Variants in COQ8A observed in about 807,000 individuals in gnomAD.
COQ8A encodes the protein atypical kinase COQ8A, mitochondrial.
A neutral mutation model predicts 65.0 loss-of-function variants in COQ8A; 51 were observed. The ratio of observed to expected loss-of-function variants is 0.78; its 90% confidence interval spans 0.63 to 0.99. The LOEUF (loss-of-function observed/expected upper bound fraction) is 0.99, where lower values mean the gene tolerates loss of function less well. Among genes scored for constraint, COQ8A ranks in the 50% least tolerant of loss-of-function variants. The probability of loss-of-function intolerance (pLI) is 0.00; values close to 1 mark genes in which losing one functional copy is unlikely to be tolerated. For synonymous variants in COQ8A, 371 were observed against 353.2 expected, an observed-to-expected ratio of 1.05 and a Z score of -0.57; for missense variants, 940 against 875.0, an observed-to-expected ratio of 1.07 and a Z score of -0.94.
chr1:226,945,990 C>G (rs1452466748), intron 1 of COQ8A, among the ~76,000 whole-genome samples: 1 of 152,078 alleles, frequency 6.6e-6, no homozygotes, highest in African/African-American at 2.4e-5. Flanking sequence ...CCCTGGTGCT[C>G]AGCCTCCTCG....
intron 8 of COQ8A, 152 bp from the exon 9 acceptor site, chr1:226,983,400 G>A (rs951141186): frequency 1.6e-5 from 12 of 769,094 alleles, no homozygotes; most frequent in Admixed American, 4.1e-5. Context: ...TCCAGGTCAC[G>A]GCAGCATGGC....
chr1:226,964,698 A>T (rs1054908981), intron 2 of COQ8A, among the ~76,000 whole-genome samples: 2 of 152,152 alleles, frequency 1.3e-5, no homozygotes, highest in South Asian at 2.1e-4. Flanking sequence ...GCCCTGTTTT[A>T]TAGGTGAGGA....
chr1:226,954,596 G>A (rs61833989), intron 1 of COQ8A, among the ~76,000 whole-genome samples: 3,365 of 152,370 alleles, frequency 0.022, 45 homozygotes, highest in Non-Finnish European at 0.033. Context: ...CCTCAGACCA[G>A]CCTCCTGAGA....
chr1:226,981,250 G>T (rs961853601), intron 5 of COQ8A, among the ~76,000 whole-genome samples: 3 of 152,226 alleles, frequency 2.0e-5, no homozygotes, highest in African/African-American at 4.8e-5. Flanking sequence ...TGAACTGATG[G>T]CCCAGGATAG....
Position 226,971,231 on chromosome 1 carries a change from A to G in COQ8A, c.655+5494A>G, listed in dbSNP as rs150805095. Among the ~76,000 whole-genome samples, 372 of 150,166 alleles carry G rather than the reference A, an allele frequency of 2.5e-3. 8 individuals are homozygous for G. In the East Asian group the frequency reaches 0.049, roughly 20 times the overall value. ...GCTGGGATTACAGGCATGAGCCACC[A>G]CACCCGACCTAGTTTTTATTTTTTT... On this transcript the variant is annotated intron_variant, in intron 4 of 14. Transcript: ENST00000366777.
rs1660186161 is a variant in COQ8A at position 226,987,483 on chromosome 1, A to AGTCTT, written c.*749_*753dup. On this transcript the variant is annotated 3_prime_UTR_variant, in exon 15 of 15. Coordinates refer to ENST00000366777, the MANE Select transcript of COQ8A (RefSeq NM_020247.5). ...CACAGGCGCTGTGAATTTTTGTACA[A>AGTCTT]GTCTTGTAATTATCGAATCAACAAC... 2 of 152,294 alleles carry AGTCTT rather than the reference A, an allele frequency of 1.3e-5. No homozygotes were observed. The highest frequency in any genetic ancestry group is 1.3e-4 in the Admixed American group (2 of 15,294). 9.4% of individuals were successfully genotyped at this position (152,294 alleles called of 1,614,324 possible).
intron 1 of COQ8A, among the ~76,000 whole-genome samples, chr1:226,955,270 G>T (rs564691108): frequency 1.3e-5 from 2 of 152,084 alleles, no homozygotes; most frequent in Non-Finnish European, 2.9e-5. Context: ...GGGGTGCTAG[G>T]CTTGCAGCAG....
At chr1:226,969,997 C>T (rs753039913) in intron 4 of COQ8A, among the ~76,000 whole-genome samples, 20 of 151,926 alleles carry the variant, frequency 1.3e-4, no homozygotes, top group African/African-American at 1.9e-4. Context: ...GAGACAGTCT[C>T]GCTCGGTCAC....
At chr1:226,943,439 C>T (rs990251304) in intron 1 of COQ8A, among the ~76,000 whole-genome samples, 5 of 152,046 alleles carry the variant, frequency 3.3e-5, no homozygotes, top group African/African-American at 1.2e-4. Flanking sequence ...TGGAGTTGCA[C>T]ATATGGAGGG....
At position 226,965,234 on chromosome 1, in the gene COQ8A, C is replaced by G. The variant is rs1426158504; in HGVS notation, c.412C>G (p.Leu138Val). ...AGFPGQASSP[L>V]GRANGRLFAN... Reference sequence around the variant, plus strand: ...GTTCCCCGGCCAGGCCTCCTCCCCTCTGGGCAGGGCCAACGGGAGGCTCTT... The same window carrying G: ...GTTCCCCGGCCAGGCCTCCTCCCCTGTGGGCAGGGCCAACGGGAGGCTCTT... The change falls in exon 3 of 15, where the codon CTG becomes GTG. Residue 138 changes from leucine (L) to valine (V), a missense_variant. Coordinates refer to ENST00000366777, the MANE Select transcript of COQ8A (RefSeq NM_020247.5). The G allele has an allele frequency of 3.1e-6, 5 of 1,614,034 alleles. No individual in the cohort carries two copies. Among genetic ancestry groups the G allele is most frequent in the Non-Finnish European group, 4.2e-6 (5 of 1,180,040 alleles).
At chr1:226,959,296 C>A (rs920830883) in intron 1 of COQ8A, among the ~76,000 whole-genome samples, 1 of 152,056 alleles carries the variant, frequency 6.6e-6, no homozygotes, top group Non-Finnish European at 1.5e-5. Flanking sequence ...GTAATTCCAG[C>A]TGCTTGAGAG....
intron 1 of COQ8A, among the ~76,000 whole-genome samples, chr1:226,944,209 C>A (rs920862304): frequency 6.6e-5 from 10 of 151,840 alleles, no homozygotes; most frequent in Non-Finnish European, 1.5e-5. Flanking sequence ...CTGGCTTGAG[C>A]CCTCAGGTGT....
chr1:226,959,196 A>G (rs1430761636), intron 1 of COQ8A, among the ~76,000 whole-genome samples: 3 of 152,142 alleles, frequency 2.0e-5, no homozygotes, highest in African/African-American at 7.2e-5. Flanking sequence ...TCTGGTAGTT[A>G]TTCCCCTTCC....
chr1:226,970,981 C>T (rs779686426), intron 4 of COQ8A, among the ~76,000 whole-genome samples: 2 of 152,166 alleles, frequency 1.3e-5, no homozygotes, highest in Admixed American at 1.3e-4. Context: ...GCTCTTGTCA[C>T]CCAGGCTGGA....
chr1:226,959,038 C>A (rs919407301), intron 1 of COQ8A, among the ~76,000 whole-genome samples: 6 of 152,084 alleles, frequency 3.9e-5, no homozygotes, highest in African/African-American at 1.4e-4. Flanking sequence ...GTGCCTGGTT[C>A]TTGGTACACC....
chr1:226,986,358 A>G (rs970855747), intron 14 of COQ8A, 95 bp from the exon 15 acceptor site: 11 of 1,387,966 alleles, frequency 7.9e-6, no homozygotes, highest in Non-Finnish European at 9.0e-6. Flanking sequence ...AGAGCTTTGA[A>G]TGAGAACTCA....
rs761981020 is a variant in COQ8A at position 226,977,463 on chromosome 1, C to G, written c.670C>G (p.Leu224Val). Reference protein sequence around the residue: ...LANFGGLAVGLGFGALAEVAK... With the variant: ...LANFGGLAVGVGFGALAEVAK... Reference sequence around the variant, plus strand: ...CCTCCTTGCAGGTCTGGCCGTGGGCCTGGGCTTCGGGGCACTGGCAGAGGT... The same window carrying G: ...CCTCCTTGCAGGTCTGGCCGTGGGCGTGGGCTTCGGGGCACTGGCAGAGGT... The change falls in exon 5 of 15, where the codon CTG becomes GTG. Residue 224 changes from leucine to valine, a missense_variant. Transcript: ENST00000366777. 1.1e-5 allele frequency: 18 copies of G among 1,565,584 alleles called. No individual in the cohort carries two copies. The highest frequency in any genetic ancestry group is 1.6e-5 in the Non-Finnish European group (18 of 1,155,370).
At chr1:226,978,566 A>ACC (rs1437438784) in intron 5 of COQ8A, among the ~76,000 whole-genome samples, 112 of 38,578 alleles carry the variant, frequency 2.9e-3, no homozygotes, top group Non-Finnish European at 5.4e-3. Context: ...CCCCACAGCC[A>ACC]CACACCACCT....
intron 1 of COQ8A, among the ~76,000 whole-genome samples, chr1:226,950,143 G>A (rs1657286345): frequency 6.6e-6 from 1 of 152,198 alleles, no homozygotes; most frequent in Non-Finnish European, 1.5e-5. Flanking sequence ...GGGAGAGGCT[G>A]CTTGGGACCC....
Sources: allele counts gnomAD v4.1 joint callset (sites outside exome capture counted in the v4.1 genomes callset), GRCh38; gene constraint gnomAD v4.1.1; transcripts MANE v1.5; gene names NCBI Gene and HGNC (gene_info 2026-07-23, HGNC 2026-07-21).